Variants in OXNAD1 observed in about 807,000 individuals in gnomAD.
The protein encoded by OXNAD1 is oxidoreductase NAD-binding domain-containing protein 1.
Under a neutral mutation model 32.9 loss-of-function variants are expected in OXNAD1, and 34 were observed. The observed-to-expected ratio is 1.03, with a 90% CI of 0.79 to 1.38. The LOEUF (loss-of-function observed/expected upper bound fraction) is 1.38, where lower values mean the gene tolerates loss of function less well. Ranked by LOEUF, OXNAD1 falls within the 40% of genes most tolerant of loss-of-function variation. The pLI, the probability that OXNAD1 is intolerant of heterozygous loss-of-function variation, is 0.00. For synonymous variants in OXNAD1, 134 were observed against 135.2 expected, an observed-to-expected ratio of 0.99 and a Z score of 0.06; for missense variants, 407 against 379.4, an observed-to-expected ratio of 1.07 and a Z score of -0.60.
rs2069820206 is a variant in OXNAD1 at position 16,327,440 on chromosome 3, G to A, written c.*31-9672G>A. On this transcript the variant is annotated intron_variant, in intron 9 of 9. Transcript: ENST00000435829. The surrounding 1 kb of genome is among the most constrained non-coding windows in gnomAD (Gnocchi z 4.2). Reference sequence around the variant, plus strand: ...GTTTTATTTCAAATTAGGATTTGGGGAACTAACATTTGTCTTTCAGTTAAA... The same window carrying A: ...GTTTTATTTCAAATTAGGATTTGGGAAACTAACATTTGTCTTTCAGTTAAA... Among the ~76,000 whole-genome samples, 1 of 152,138 alleles carries A rather than the reference G, an allele frequency of 6.6e-6. No homozygotes were observed. Among genetic ancestry groups the A allele is most frequent in the African/African-American group, 2.4e-5 (1 of 41,444 alleles).
rs748744176 is a variant in OXNAD1, at chr3:16,286,392, G to A, written c.234G>A (p.Val78=). ...VCGAASESPS[V]KSLRLLVADQ... is the part of the protein sequence containing the mutation. ...GAGCTGCCAGTGAGTCACCGTCAGT[G>A]AAGAGCCTCCGCTTGCTTGTTGCTG... The change falls in exon 5 of 9, where the codon GTG becomes GTA. Residue 78 remains valine (V), a synonymous_variant. Coordinates refer to ENST00000285083, the MANE Select transcript of OXNAD1 (RefSeq NM_138381.5). The A allele has an allele frequency of 1.2e-6, 2 of 1,613,982 alleles. No homozygotes were observed. Among genetic ancestry groups the A allele is most frequent in the Non-Finnish European group, 1.7e-6 (2 of 1,179,880 alleles).
Position 16,335,795 on chromosome 3 carries a change from AG to A in OXNAD1, c.*31-1315del, listed in dbSNP as rs926527339. Among the ~76,000 whole-genome samples the A allele has an allele frequency of 4.2e-5, 6 of 142,898 alleles. No individual in the cohort carries two copies. The highest frequency in any genetic ancestry group is 1.4e-4 in the Admixed American group (2 of 14,728). 93.7% of individuals were successfully genotyped at this position (142,898 alleles called of 152,430 possible). A position where few individuals can be genotyped will look rare whatever the true frequency, so the allele number is the denominator to read the frequency against. The stretch of plus-strand genomic sequence containing the variant: ...GAACTTTAAAAAAAAAAAAAAAAAA[AG>A]GAGTTTGATCACACCATCAAATATC... On this transcript the variant is annotated intron_variant, in intron 9 of 9. Transcript: ENST00000435829. This position sits in a 1 kb window ranked among gnomAD's most constrained non-coding sequence, Gnocchi z 4.7.
At chr3:16,323,854 C>T (rs1389141153) in intron 9 of OXNAD1, among the ~76,000 whole-genome samples, 1 of 152,214 alleles carries the variant, frequency 6.6e-6, no homozygotes, top group Admixed American at 6.5e-5. Flanking sequence ...CTCAGCCCTC[C>T]AGCTGCTACA....
chr3:16,351,119 C>T (rs1026755322), downstream of OXNAD1, among the ~76,000 whole-genome samples: 1 of 152,170 alleles, frequency 6.6e-6, no homozygotes, highest in African/African-American at 2.4e-5. The surrounding 1 kb of genome is among the most constrained non-coding windows in gnomAD (Gnocchi z 5.4). Flanking sequence ...GTTTCAGTTA[C>T]AGAAAAGTGT....
In OXNAD1 at chr3:16,312,797, G is replaced by A. The variant is rs1247018502; in HGVS notation, c.*30+9205G>A. ...ATACCTCCTGCTAATGTTTTTGGAA[G>A]CTGCTCCCATCAAGCATCAGCAACT... On this transcript the variant is annotated intron_variant, in intron 9 of 9. Coordinates refer to the OXNAD1 transcript ENST00000435829. The surrounding 1 kb of genome is among the most constrained non-coding windows in gnomAD (Gnocchi z 4.7). Among the ~76,000 whole-genome samples, 1 of 152,166 alleles carries A rather than the reference G, an allele frequency of 6.6e-6. No individual in the cohort carries two copies. Among genetic ancestry groups the A allele is most frequent in the Non-Finnish European group, 1.5e-5 (1 of 68,036 alleles).
In OXNAD1 at chr3:16,322,466, C is replaced by T. The variant is rs761034578; in HGVS notation, c.*31-14646C>T. On this transcript the variant is annotated intron_variant, in intron 9 of 9. Transcript: ENST00000435829. The surrounding 1 kb of genome is among the most constrained non-coding windows in gnomAD (Gnocchi z 6.2). The stretch of plus-strand genomic sequence containing the variant: ...AGGAGTGATGCCAGGAGTGAGGAGC[C>T]GAGCAGGTCAGGCAGGCCCTGCCGA... 2.0e-5 allele frequency among the ~76,000 whole-genome samples: 3 copies of T among 152,158 alleles called. No individual in the cohort carries two copies. Among genetic ancestry groups the T allele is most frequent in the Admixed American group, 6.5e-5 (1 of 15,272 alleles).
At position 16,287,580 on chromosome 3, in the gene OXNAD1, T is replaced by G. The variant is rs1004777219; in HGVS notation, c.290+1132T>G. On this transcript the variant is annotated intron_variant, in intron 5 of 8. Transcript: ENST00000285083. The surrounding 1 kb of genome is among the most constrained non-coding windows in gnomAD (Gnocchi z 4.8). ...AGTGGAAACTTTAATTGTAATGATCTGTTTTCCATATTTCCTTTCTGTGGA... is the reference window on the plus strand; with the variant it reads ...AGTGGAAACTTTAATTGTAATGATCGGTTTTCCATATTTCCTTTCTGTGGA... 1.3e-5 allele frequency among the ~76,000 whole-genome samples: 2 copies of G among 152,242 alleles called. No homozygotes were observed. Among genetic ancestry groups the G allele is most frequent in the Non-Finnish European group, 2.9e-5 (2 of 68,042 alleles).
chr3:16,338,432 C>T (rs527936078), downstream of OXNAD1, among the ~76,000 whole-genome samples: 1 of 152,378 alleles, frequency 6.6e-6, no homozygotes, highest in South Asian at 2.1e-4. This position sits in a 1 kb window ranked among gnomAD's most constrained non-coding sequence, Gnocchi z 5.3. Context: ...GCTGCCACAT[C>T]CTGTCAGCTG....
intron 9 of OXNAD1, among the ~76,000 whole-genome samples, chr3:16,325,513 C>CA (rs1295694756): frequency 6.6e-6 from 1 of 152,182 alleles, no homozygotes; most frequent in African/African-American, 2.4e-5. Context: ...GAAACTGACT[C>CA]AGAGAAGCTA....
intron 1 of OXNAD1, among the ~76,000 whole-genome samples, chr3:16,266,064 A>G (rs1336108944): frequency 6.6e-6 from 1 of 152,230 alleles, no homozygotes; most frequent in Non-Finnish European, 1.5e-5. Context: ...GAAGAAATGC[A>G]TTGTAGTGAA....
chr3:16,337,587 C>A (rs532639023), downstream of OXNAD1, among the ~76,000 whole-genome samples: 221 of 151,850 alleles, frequency 1.5e-3, 1 homozygote, highest in African/African-American at 5.0e-3. This position sits in a 1 kb window ranked among gnomAD's most constrained non-coding sequence, Gnocchi z 5.0. Flanking sequence ...ACTAAAAATA[C>A]AAAAATTAGC....
intron 9 of OXNAD1, among the ~76,000 whole-genome samples, chr3:16,330,248 C>G (rs1053471605): frequency 6.6e-6 from 1 of 152,208 alleles, no homozygotes; most frequent in Non-Finnish European, 1.5e-5. Flanking sequence ...ATGTTGCACT[C>G]TGCCAGACTC....
chr3:16,325,739 A>C (rs1348016340), intron 9 of OXNAD1, among the ~76,000 whole-genome samples: 1 of 152,158 alleles, frequency 6.6e-6, no homozygotes, highest in Non-Finnish European at 1.5e-5. Flanking sequence ...ACTGTGACCT[A>C]ATGTGGAATC....
In OXNAD1 at chr3:16,320,726, G is replaced by A. The variant is rs1051601836; in HGVS notation, c.*31-16386G>A. Among the ~76,000 whole-genome samples, 2 of 152,222 alleles carry A rather than the reference G, an allele frequency of 1.3e-5. No homozygotes were observed. Among genetic ancestry groups the A allele is most frequent in the African/African-American group, 4.8e-5 (2 of 41,460 alleles). On this transcript the variant is annotated intron_variant, in intron 9 of 9. Transcript: ENST00000435829. This position sits in a 1 kb window ranked among gnomAD's most constrained non-coding sequence, Gnocchi z 4.5. ...GGAGGAGAATGTCCTTGGCAGAGGG[G>A]ACACGGAAGAACTGGAGGCCACAGA...
At chr3:16,340,304 T>G (rs1158191164), downstream of OXNAD1, among the ~76,000 whole-genome samples, 1 of 152,246 alleles carries the variant, frequency 6.6e-6, no homozygotes, top group East Asian at 1.9e-4. Context: ...CTTGCCCACT[T>G]GCTGCTTTTG....
exon 10 of OXNAD1, chr3:16,349,531 G>A (rs141055530): frequency 1.4e-3 from 209 of 152,364 alleles, no homozygotes; most frequent in African/African-American, 4.7e-3. Context: ...TGTGAACTAC[G>A]TATGTGCATG....
rs762705076 is a variant in OXNAD1, at chr3:16,303,613, C to G, written c.*51C>G. The G allele has an allele frequency of 6.4e-7, 1 of 1,566,548 alleles. No homozygotes were observed. Among genetic ancestry groups the G allele is most frequent in the South Asian group, 1.2e-5 (1 of 83,874 alleles). ...AAGAGGTGAGATCTACTCAGGAGAG[C>G]TCCTGTCCTTTGTGGCATGATTAAT... On this transcript the variant is annotated 3_prime_UTR_variant, in exon 9 of 9. Transcript: ENST00000285083. This position sits in a 1 kb window ranked among gnomAD's most constrained non-coding sequence, Gnocchi z 4.8.
downstream of OXNAD1, among the ~76,000 whole-genome samples, chr3:16,309,123 A>C (rs1247292602): frequency 1.3e-5 from 2 of 152,212 alleles, no homozygotes; most frequent in Admixed American, 1.3e-4. Context: ...GTGGGTACCT[A>C]TACAACTATG....
chr3:16,286,145 C>A (rs1575097839), intron 4 of OXNAD1, among the ~76,000 whole-genome samples, 197 bp from the exon 5 acceptor site: 2 of 152,108 alleles, frequency 1.3e-5, no homozygotes, highest in Admixed American at 6.5e-5. Context: ...GATAGCAAGT[C>A]TCTCAAAAAA....
Sources: allele counts gnomAD v4.1 joint callset (sites outside exome capture counted in the v4.1 genomes callset), GRCh38; gene constraint gnomAD v4.1.1; non-coding constraint Gnocchi (gnomAD v3.1); transcripts MANE v1.5; gene names NCBI Gene and HGNC (gene_info 2026-07-23, HGNC 2026-07-21).